Variants in DCP1A observed in about 807,000 individuals in gnomAD.
DCP1A encodes mRNA-decapping enzyme 1A.
DCP1A carries 20 observed loss-of-function variants against 58.0 expected under a neutral mutation model. That is an observed-to-expected ratio of 0.34 (90% CI 0.24 to 0.50). The LOEUF (loss-of-function observed/expected upper bound fraction) is 0.50. Ranked by LOEUF, DCP1A falls within the 20% of genes least tolerant of loss-of-function variation. The pLI is 0.98. For synonymous variants in DCP1A, 285 were observed against 275.1 expected (o/e 1.04, Z -0.36); for missense variants, 613 against 712.2 (o/e 0.86, Z 1.59).
intron 4 of DCP1A, among the ~76,000 whole-genome samples, chr3:53,314,548 T>TA (rs1707740609): frequency 6.6e-6 from 1 of 152,154 alleles, no homozygotes; most frequent in Non-Finnish European, 1.5e-5. Flanking sequence ...GTTTTCCACC[T>TA]ACCTCCTGAC....
chr3:53,336,889 G>T (rs1298695968), intron 3 of DCP1A, among the ~76,000 whole-genome samples: 3 of 117,100 alleles, frequency 2.6e-5, no homozygotes, highest in South Asian at 5.8e-4. Flanking sequence ...TTTATTTATT[G>T]AGATGGAGTC....
chr3:53,297,040 G>A (rs2106806586), intron 6 of DCP1A, among the ~76,000 whole-genome samples: 1 of 152,278 alleles, frequency 6.6e-6, no homozygotes, highest in South Asian at 2.1e-4. Flanking sequence ...AGCAGTATAT[G>A]AGGTAACAGA....
rs145309883 is a variant in DCP1A, at chr3:53,330,167, T to C, written c.305-10694A>G. Among the ~76,000 whole-genome samples, 727 of 152,316 alleles carry C rather than the reference T, an allele frequency of 4.8e-3. 6 individuals carry two copies. Among genetic ancestry groups the C allele is most frequent in the Non-Finnish European group, 8.1e-3 (549 of 68,030 alleles). On this transcript the variant is annotated intron_variant, in intron 3 of 9. Transcript: ENST00000610213. ...GACCTTAAATCATTAATTTTTATCA[T>C]TAATCTACAGGGAGTTGTTTTAAGA...
At chr3:53,334,295 A>T (rs1454621247) in intron 3 of DCP1A, among the ~76,000 whole-genome samples, 1 of 152,130 alleles carries the variant, frequency 6.6e-6, no homozygotes, top group Non-Finnish European at 1.5e-5. Context: ...AAAAATAATT[A>T]AAAATATTAA....
chr3:53,289,913 G>C (rs1281736794), intron 8 of DCP1A, among the ~76,000 whole-genome samples: 2 of 152,170 alleles, frequency 1.3e-5, no homozygotes, highest in Non-Finnish European at 2.9e-5. Flanking sequence ...TGGCATCTGA[G>C]CTATTTACCT....
chr3:53,320,520 C>G (rs1413239893), intron 3 of DCP1A, among the ~76,000 whole-genome samples: 1 of 152,116 alleles, frequency 6.6e-6, no homozygotes, highest in Non-Finnish European at 1.5e-5. Flanking sequence ...TTCCCTAGCA[C>G]AGAAATGGCA....
Position 53,288,271 on chromosome 3 carries a change from G to C in DCP1A, c.1462C>G (p.Pro488Ala), listed in dbSNP as rs782463571. The change falls in exon 9 of 10, where the codon CCA becomes GCA. Residue 488 changes from proline to alanine, a missense_variant. By Grantham distance (27) the Pro-to-Ala change is conservative (BLOSUM62 -1). Around this residue, in one of 3 missense-constraint regions of DCP1A, gnomAD observed 498 missense variants for 556.7 expected, o/e 0.89. Coordinates refer to ENST00000610213, the MANE Select transcript of DCP1A (RefSeq NM_018403.7). The stretch of plus-strand genomic sequence containing the variant: ...GCAGTGGTCGTTGCAGTAACCAGTG[G>C]GGCGCCTGCAACCTGGAGAGTGACA... ...LSSAIPVAGAPLVTATTTAVS... is the reference protein window; with the variant it reads ...LSSAIPVAGAALVTATTTAVS... The C allele has an allele frequency of 6.2e-7, 1 of 1,609,992 alleles. No individual in the cohort carries two copies. Among genetic ancestry groups the C allele is most frequent in the South Asian group, 1.1e-5 (1 of 90,720 alleles).
At chr3:53,343,900 T>C (rs1267689520) in intron 2 of DCP1A, among the ~76,000 whole-genome samples, 3 of 152,184 alleles carry the variant, frequency 2.0e-5, no homozygotes, top group Non-Finnish European at 2.9e-5. Flanking sequence ...CGTGAGCCAC[T>C]GCACCCGGCC....
chr3:53,309,328 G>A (rs780322198), intron 5 of DCP1A, among the ~76,000 whole-genome samples: 5 of 148,624 alleles, frequency 3.4e-5, no homozygotes, highest in African/African-American at 1.0e-4. Context: ...TCGAGATCGC[G>A]CCACTGCACT....
At chr3:53,331,092 C>T (rs192638908) in intron 3 of DCP1A, among the ~76,000 whole-genome samples, 9 of 152,162 alleles carry the variant, frequency 5.9e-5, no homozygotes, top group South Asian at 2.1e-4. Flanking sequence ...CTCCTGACCT[C>T]GTGATCCGCC....
intron 3 of DCP1A, among the ~76,000 whole-genome samples, chr3:53,326,308 GT>G (rs1553690567): frequency 6.6e-6 from 1 of 152,188 alleles, no homozygotes; most frequent in Non-Finnish European, 1.5e-5. Flanking sequence ...ACTTGCAAAA[GT>G]TTTATTCTTA....
At position 53,319,497 on chromosome 3, in the gene DCP1A, G is replaced by T. The variant is rs782554624; in HGVS notation, c.305-24C>A. On this transcript the variant is annotated intron_variant, in intron 3 of 9. Coordinates refer to ENST00000610213, the MANE Select transcript of DCP1A (RefSeq NM_018403.7). ...CACTTGAAAAACAAAGGGAAAAAAAGATAAGAAGAAATGAGGTTTCAACAT... is the reference window on the plus strand; with the variant it reads ...CACTTGAAAAACAAAGGGAAAAAAATATAAGAAGAAATGAGGTTTCAACAT... 6.2e-6 allele frequency: 9 copies of T among 1,460,282 alleles called. No homozygotes were observed. The South Asian group carries it at 1.1e-4, about 18-fold the overall frequency. 90.5% of individuals were successfully genotyped at this position (1,460,282 alleles called of 1,614,324 possible). A position where few individuals can be genotyped will look rare whatever the true frequency, so the allele number is the denominator to read the frequency against.
chr3:53,318,438 G>C (rs1292297996), intron 4 of DCP1A, among the ~76,000 whole-genome samples: 1 of 152,138 alleles, frequency 6.6e-6, no homozygotes, highest in Non-Finnish European at 1.5e-5. Context: ...TGACAGATGG[G>C]GATGGTGGAG....
Position 53,292,465 on chromosome 3 carries a change from T to C in DCP1A, c.987A>G (p.Ala329=), listed in dbSNP as rs781937534. 2.2e-5 allele frequency: 36 copies of C among 1,613,990 alleles called. No homozygotes were observed. The highest frequency in any genetic ancestry group is 2.8e-5 in the Non-Finnish European group (33 of 1,179,894). The change falls in exon 7 of 10, where the codon GCA becomes GCG. Residue 329 remains alanine, a synonymous_variant. Coordinates refer to ENST00000610213, the MANE Select transcript of DCP1A (RefSeq NM_018403.7). The part of the protein sequence containing the change: ...SPTLPAEAPT[A]QVPPSLPRNS... The stretch of plus-strand genomic sequence containing the variant: ...TTCGAGGTAAGCTGGGGGGAACCTG[T>C]GCAGTAGGAGCTTCAGCTGGCAGAG...
At chr3:53,325,514 T>C (rs1448073928) in intron 3 of DCP1A, among the ~76,000 whole-genome samples, 1 of 152,180 alleles carries the variant, frequency 6.6e-6, no homozygotes, top group Non-Finnish European at 1.5e-5. Context: ...AAAAAAGTTA[T>C]GCAATTTCTA....
chr3:53,291,973 T>C (rs1296126892), intron 7 of DCP1A, 96 bp downstream of exon 7: 32 of 1,326,406 alleles, frequency 2.4e-5, no homozygotes, highest in South Asian at 1.7e-4. Context: ...ACTCTAAAAA[T>C]TGTCATGTCA....
chr3:53,342,521 T>C (rs1160778537), intron 2 of DCP1A, among the ~76,000 whole-genome samples: 5 of 152,282 alleles, frequency 3.3e-5, no homozygotes, highest in South Asian at 2.1e-4. Flanking sequence ...CCACCTGATA[T>C]ACTCCCCACT....
rs1553684938 is a variant in DCP1A at position 53,284,999 on chromosome 3, A to C, written c.*2581T>G. 1 of 152,192 alleles carries C rather than the reference A, an allele frequency of 6.6e-6. No individual in the cohort carries two copies. Among genetic ancestry groups the C allele is most frequent in the African/African-American group, 2.4e-5 (1 of 41,428 alleles). 9.4% of individuals were successfully genotyped at this position (152,192 alleles called of 1,614,324 possible). A position where few individuals can be genotyped will look rare whatever the true frequency, so the allele number is the denominator to read the frequency against. On this transcript the variant is annotated 3_prime_UTR_variant, in exon 10 of 10. Transcript: ENST00000610213. ...TGTCTGGGAGGCCTGAGAGTCCATT[A>C]AAAGACACCGCATTAACTACAACAA...
At chr3:53,337,703 C>T (rs1337563087) in intron 3 of DCP1A, among the ~76,000 whole-genome samples, 3 of 152,164 alleles carry the variant, frequency 2.0e-5, no homozygotes, top group Non-Finnish European at 2.9e-5. Context: ...CTAAATAGGA[C>T]GCATAAAAAT....
Sources: allele counts gnomAD v4.1 joint callset (sites outside exome capture counted in the v4.1 genomes callset), GRCh38; gene constraint gnomAD v4.1.1; regional missense constraint gnomAD v4.1.1; transcripts MANE v1.5; gene names NCBI Gene and HGNC (gene_info 2026-07-23, HGNC 2026-07-21).